AQR: variants seen among roughly 807,000 people sequenced by gnomAD.
AQR encodes the protein aquarius intron-binding spliceosomal factor.
In AQR, 61 loss-of-function variants were observed where a neutral mutation model predicts 180.5. The ratio of observed to expected loss-of-function variants is 0.34; its 90% CI spans 0.28 to 0.42. The LOEUF (loss-of-function observed/expected upper bound fraction) is 0.42, where lower values mean the gene tolerates loss of function less well. Among genes scored for constraint, AQR ranks in the 10% least tolerant of loss-of-function variants. The pLI is 1.00. For synonymous variants in AQR, 551 were observed against 588.8 expected, an observed-to-expected ratio of 0.94 and a Z score of 0.93; for missense variants, 1,281 against 1,798.3, an observed-to-expected ratio of 0.71 and a Z score of 5.20.
intron 23 of AQR, among the ~76,000 whole-genome samples, chr15:34,891,902 G>A (rs778559725): frequency 4.0e-5 from 6 of 151,838 alleles, no homozygotes; most frequent in Non-Finnish European, 8.8e-5. Flanking sequence ...CAGTATATTG[G>A]ATAAGTTTAC....
chr15:34,921,433 CAAAA>C (rs71119990), intron 13 of AQR, among the ~76,000 whole-genome samples: 18 of 74,908 alleles, frequency 2.4e-4, no homozygotes, highest in Admixed American at 6.2e-4. Context: ...GACTCCATCT[CAAAA>C]AAAAAAAAAA....
intron 5 of AQR, among the ~76,000 whole-genome samples, chr15:34,946,937 G>A (rs1172724996): frequency 6.6e-6 from 1 of 151,626 alleles, no homozygotes; most frequent in African/African-American, 2.4e-5. Flanking sequence ...GAGGTGAGGG[G>A]CGCCTCTGCC....
chr15:34,864,250 A>G (rs1892712728), intron 32 of AQR, among the ~76,000 whole-genome samples: 1 of 152,124 alleles, frequency 6.6e-6, no homozygotes, highest in African/African-American at 2.4e-5. Context: ...AGCATATGCT[A>G]TCACTTATAT....
chr15:34,914,853 A>T (rs1893557480), intron 16 of AQR, among the ~76,000 whole-genome samples, 185 bp downstream of exon 16: 1 of 152,170 alleles, frequency 6.6e-6, no homozygotes, highest in Non-Finnish European at 1.5e-5. Context: ...TATGTGGTTT[A>T]TATTTTAGCA....
chr15:34,920,209 A>T (rs1199277427), intron 14 of AQR, 123 bp downstream of exon 14: 1 of 645,650 alleles, frequency 1.5e-6, no homozygotes, highest in African/African-American at 1.8e-5. Flanking sequence ...TTCCAAAAAC[A>T]AAATGGGAAT....
intron 19 of AQR, among the ~76,000 whole-genome samples, chr15:34,902,968 A>T (rs1482099573): frequency 1.3e-5 from 2 of 152,162 alleles, no homozygotes; most frequent in South Asian, 4.1e-4. Context: ...ATCATCAGTT[A>T]TGATACAGGC....
intron 3 of AQR, among the ~76,000 whole-genome samples, chr15:34,958,024 T>C (rs994042625): frequency 2.0e-5 from 3 of 150,772 alleles, no homozygotes; most frequent in Admixed American, 6.6e-5. Context: ...CTGGCTAACA[T>C]GGTGAAACCC....
intron 23 of AQR, 57 bp downstream of exon 23, chr15:34,893,606 T>TACAC (rs1566983774): frequency 1.3e-6 from 1 of 797,896 alleles, no homozygotes; most frequent in African/African-American, 2.1e-5. Context: ...TGCGCATGCG[T>TACAC]GCACACACAC....
At chr15:34,910,042 G>C in intron 17 of AQR, 93 bp downstream of exon 17, 2 of 1,411,298 alleles carry the variant, frequency 1.4e-6, no homozygotes, top group Non-Finnish European at 2.0e-6. Context: ...AAGCTTTAAA[G>C]GATAACATTT....
Position 34,927,053 on chromosome 15 carries a change from T to C in AQR, c.1100A>G (p.Lys367Arg). The change falls in exon 13 of 35, where the codon AAG (lysine) becomes AGG (arginine). Residue 367 changes from lysine to arginine, a missense_variant. Transcript: ENST00000156471. ...AEVDTRESLV[K>R]FFGPLSSNTL... ...GTCTTACCTAAGAGGTCCAAAAAAC[T>C]TGACCAAGGACTCCCGAGTATCTAC... is the stretch of plus-strand genomic sequence containing the variant. 1 of 1,587,102 alleles carries C rather than the reference T, an allele frequency of 6.3e-7. No homozygotes were observed. Among genetic ancestry groups the C allele is most frequent in the Non-Finnish European group, 8.6e-7 (1 of 1,166,934 alleles).
At chr15:34,887,622 T>C (rs1326698000) in intron 24 of AQR, among the ~76,000 whole-genome samples, 1 of 152,162 alleles carries the variant, frequency 6.6e-6, no homozygotes, top group Non-Finnish European at 1.5e-5. Flanking sequence ...CACATTCTTT[T>C]CACAACACCA....
Position 34,856,972 on chromosome 15 carries a change from G to A in AQR, c.4278C>T (p.Cys1426=). 1 of 1,614,122 alleles carries A rather than the reference G, an allele frequency of 6.2e-7. No homozygotes were observed. The highest frequency in any genetic ancestry group is 8.5e-7 in the Non-Finnish European group (1 of 1,180,026). Residue 1426 remains cysteine, a synonymous_variant, in exon 35 of 35, where the codon TGC becomes TGT. Coordinates refer to ENST00000156471, the MANE Select transcript of AQR (RefSeq NM_014691.3). ...TTTGAAAGGCTGGAGTTTCTTGACG[G>A]CAGCTGGTGTCTGTTGGACTGGGTA... The part of the protein sequence containing the change: ...DIIPSPTDTS[C]RQETPAFQTD...
chr15:34,921,301 G>A (rs1893680681), intron 13 of AQR, among the ~76,000 whole-genome samples: 2 of 151,730 alleles, frequency 1.3e-5, no homozygotes, highest in Admixed American at 1.3e-4. Context: ...AGGCGTGGTG[G>A]TGAGCGCCTG....
At position 34,866,583 on chromosome 15, in the gene AQR, A is replaced by AG. The variant is rs1043758652; in HGVS notation, c.3854+940dup. Among the ~76,000 whole-genome samples the AG allele has an allele frequency of 6.9e-4, 105 of 152,160 alleles. 1 individual carries two copies. The highest frequency in any genetic ancestry group is 2.5e-3 in the African/African-American group (104 of 41,532). On this transcript the variant is annotated intron_variant, in intron 32 of 34. Transcript: ENST00000156471. ...AGTTAAGAAAAAAGGTAGGGAGAGG[A>AG]GGGGGGCGGAAGGAGTATTCATATA...
chr15:34,866,565 A>G (rs1892740229), intron 32 of AQR, among the ~76,000 whole-genome samples: 1 of 152,102 alleles, frequency 6.6e-6, no homozygotes, highest in Admixed American at 6.6e-5. Flanking sequence ...CAGAGTTAAG[A>G]AAAAAGGTAG....
In AQR at chr15:34,906,560, G is replaced by A. The variant is rs373459371; in HGVS notation, c.1816C>T (p.Arg606Cys). 34 of 1,613,646 alleles carry A rather than the reference G, an allele frequency of 2.1e-5. No individual in the cohort carries two copies. Among genetic ancestry groups the A allele is most frequent in the African/African-American group, 4.0e-5 (3 of 74,818 alleles). Residue 606 changes from arginine (R) to cysteine (C), a missense_variant, in exon 18 of 35, where the codon CGT (arginine) becomes TGT (cysteine). By Grantham distance (180) the Arg-to-Cys change is radical. Around this residue, in one of 9 missense-constraint regions of AQR, gnomAD observed 200 missense variants for 293.4 expected, o/e 0.68. Coordinates refer to ENST00000156471, the MANE Select transcript of AQR (RefSeq NM_014691.3). ...GTCACCATACCATCTTCAATGACAC[G>A]TCCTTTATCATCCAGCATGCCCTGA... ...EIQGMLDDKG[R>C]VIEDGPEPRP...
At chr15:34,906,407 A>G (rs781241719) in intron 18 of AQR, 138 bp downstream of exon 18, 298 of 996,088 alleles carry the variant, frequency 3.0e-4, no homozygotes, top group Non-Finnish European at 1.6e-4. Context: ...TACCCTACAC[A>G]TATTTGATAC....
chr15:34,904,136 AGATTT>A (rs143444821), intron 19 of AQR, among the ~76,000 whole-genome samples, 195 bp downstream of exon 19: 2,579 of 152,258 alleles, frequency 0.017, 73 homozygotes, highest in African/African-American at 0.057. Flanking sequence ...AAGACAAAAT[AGATTT>A]AAGAAATCAA....
chr15:34,861,114 AC>A (rs1892665361), intron 33 of AQR, among the ~76,000 whole-genome samples: 1 of 152,250 alleles, frequency 6.6e-6, no homozygotes, highest in South Asian at 2.1e-4. Flanking sequence ...AAGGTAAAAA[AC>A]ATACCCCAAA....
Sources: allele counts gnomAD v4.1 joint callset (sites outside exome capture counted in the v4.1 genomes callset), GRCh38; gene constraint gnomAD v4.1.1; regional missense constraint gnomAD v4.1.1; transcripts MANE v1.5; gene names NCBI Gene and HGNC (gene_info 2026-07-23, HGNC 2026-07-21).